The following MEF2D variants were observed in gnomAD, a reference collection of about 807,000 sequenced individuals.
MEF2D encodes the protein myocyte enhancer factor 2D.
A neutral mutation model predicts 59.3 loss-of-function variants in MEF2D; 10 were observed. That is an observed-to-expected ratio of 0.17 (90% confidence interval 0.10 to 0.29). The LOEUF (loss-of-function observed/expected upper bound fraction) is 0.29. MEF2D is among the 10% of genes least tolerant of loss of function. The probability of loss-of-function intolerance (pLI) is 1.00; values close to 1 mark genes in which losing one functional copy is unlikely to be tolerated. For missense variants in MEF2D, 508 were observed against 699.4 expected (o/e 0.73, Z 3.09); for synonymous variants, 305 against 295.0 (o/e 1.03, Z -0.35).
rs769737024 is a variant in MEF2D, at chr1:156,467,661, G to A, written c.1555-5C>T. 34 of 1,340,750 alleles carry A rather than the reference G, an allele frequency of 2.5e-5. No homozygotes were observed. The highest frequency in any genetic ancestry group is 3.1e-5 in the Non-Finnish European group (32 of 1,037,992). The allele number at this position is 1,340,750 out of a possible 1,614,324, so 83.1% of individuals were successfully genotyped here. A position where few individuals can be genotyped will look rare whatever the true frequency, so the allele number is the denominator to read the frequency against. ...TGGGAATCGTCACTTTAATGTCTGT[G>A]AAGAGAGGAGATGGAGAAGGGGGTG... On this transcript the variant is annotated splice_region_variant and splice_polypyrimidine_tract_variant and intron_variant, in intron 11 of 11. Coordinates refer to ENST00000348159, the MANE Select transcript of MEF2D (RefSeq NM_005920.4).
rs1038691548 is a variant in MEF2D at position 156,500,665 on chromosome 1, G to C, written c.-318C>G. The C allele has an allele frequency of 6.6e-6, 1 of 151,900 alleles. No individual in the cohort carries two copies. The highest frequency in any genetic ancestry group is 2.4e-5 in the African/African-American group (1 of 41,386). 9.4% of individuals were successfully genotyped at this position (151,900 alleles called of 1,614,324 possible). ...CCTGGGCCCCCGTCGTGGGCGCGGG[G>C]GCCAGCAGGCGGGCGGCAGGCAAGC... On this transcript the variant is annotated 5_prime_UTR_variant, in exon 1 of 12. Coordinates refer to ENST00000348159, the MANE Select transcript of MEF2D (RefSeq NM_005920.4).
intron 9 of MEF2D, among the ~76,000 whole-genome samples, chr1:156,473,848 A>C (rs1201084811): frequency 6.6e-6 from 1 of 152,088 alleles, no homozygotes; most frequent in Non-Finnish European, 1.5e-5. Flanking sequence ...ACCATGCCAA[A>C]ACTAGAGGAG....
chr1:156,475,421 A>AG (rs149026524), intron 8 of MEF2D, among the ~76,000 whole-genome samples, 184 bp from the exon 9 acceptor site: 2,310 of 152,314 alleles, frequency 0.015, 59 homozygotes, highest in African/African-American at 0.052. Context: ...AGATCCATGG[A>AG]GGGAAACATG....
chr1:156,495,679 G>T (rs1026250316), intron 1 of MEF2D, among the ~76,000 whole-genome samples: 1 of 140,856 alleles, frequency 7.1e-6, no homozygotes, highest in African/African-American at 2.6e-5. Flanking sequence ...AAATTAAAAA[G>T]TTGTGGTTTT....
chr1:156,477,164 G>A lies in MEF2D; in HGVS notation c.703C>T (p.Leu235Phe), dbSNP rs375322713. 67 of 1,612,652 alleles carry A rather than the reference G, an allele frequency of 4.2e-5. No homozygotes were observed. The highest frequency in any genetic ancestry group is 5.5e-5 in the Non-Finnish European group (65 of 1,179,174). ...YVSARASPGL[L>F]PVANGNSLNK... ...AGGCTGTTGCCATTGGCCACAGGGA[G>A]GAGGCCAGGGGAAGCCCGAGCACTG... Residue 235 changes from leucine to phenylalanine, a missense_variant, in exon 7 of 12, where the codon CTC becomes TTC. Transcript: ENST00000348159.
intron 1 of MEF2D, among the ~76,000 whole-genome samples, chr1:156,496,483 A>G (rs1360630314): frequency 6.6e-6 from 1 of 152,112 alleles, no homozygotes; most frequent in African/African-American, 2.4e-5. Context: ...AAGTCAGCCA[A>G]GGCTCCTTGA....
chr1:156,467,928 G>C, intron 11 of MEF2D, 65 bp downstream of exon 11: 2 of 1,537,648 alleles, frequency 1.3e-6, no homozygotes, highest in Non-Finnish European at 8.8e-7. Context: ...ACAGGTTAGG[G>C]GGCACGCGGG....
In MEF2D at chr1:156,480,939, G is replaced by A; in HGVS notation, c.291C>T (p.Asp97=). 1 of 1,612,148 alleles carries A rather than the reference G, an allele frequency of 6.2e-7. No individual in the cohort carries two copies. The highest frequency in any genetic ancestry group is 8.5e-7 in the Non-Finnish European group (1 of 1,179,932). The stretch of plus-strand genomic sequence containing the variant: ...AGTCCTCCCCGTCGGGCTCGGGGCT[G>A]TCGCAGCCGTTGAAGCCCTTCTTCC... ...TLRKKGFNGC[D]SPEPDGEDSL... Residue 97 remains aspartate, a synonymous_variant, in exon 4 of 12, where the codon GAC becomes GAT. Coordinates refer to ENST00000348159, the MANE Select transcript of MEF2D (RefSeq NM_005920.4).
intron 1 of MEF2D, among the ~76,000 whole-genome samples, chr1:156,495,398 GTCT>G (rs1311590338): frequency 6.6e-6 from 1 of 152,182 alleles, no homozygotes; most frequent in Non-Finnish European, 1.5e-5. Context: ...GAGAGAAACA[GTCT>G]TCTTATATTC....
intron 1 of MEF2D, among the ~76,000 whole-genome samples, chr1:156,494,496 G>A (rs1436277253): frequency 1.3e-5 from 2 of 152,084 alleles, no homozygotes; most frequent in Admixed American, 1.3e-4. Context: ...GGGGAGGGCT[G>A]GGCTCAGCTT....
intron 8 of MEF2D, 101 bp downstream of exon 8, chr1:156,476,393 A>G: frequency 2.2e-6 from 3 of 1,370,904 alleles, no homozygotes; most frequent in South Asian, 2.5e-5. Flanking sequence ...CAGTTCACGC[A>G]CAGGCGAGAG....
At position 156,479,211 on chromosome 1, in the gene MEF2D, G is replaced by A. The variant is rs539379582; in HGVS notation, c.664+79C>T. The A allele has an allele frequency of 2.2e-5, 28 of 1,245,034 alleles. No homozygotes were observed. In the East Asian group the frequency reaches 4.1e-4, roughly 18 times the overall value. The allele number at this position is 1,245,034 out of a possible 1,614,324, so 77.1% of individuals were successfully genotyped here. A position where few individuals can be genotyped will look rare whatever the true frequency, so the allele number is the denominator to read the frequency against. On this transcript the variant is annotated intron_variant, in intron 6 of 11. Transcript: ENST00000348159. ...ATCTTCCTCTCCTCTCATCTAGGTC[G>A]TTCCTGATCCTTGGACCCCCTGAGG...
rs747452485 is a variant in MEF2D at position 156,479,665 on chromosome 1, C to T, written c.528G>A (p.Pro176=). The T allele has an allele frequency of 1.2e-5, 19 of 1,551,854 alleles. No individual in the cohort carries two copies. The highest frequency in any genetic ancestry group is 4.9e-5 in the East Asian group (2 of 41,048). The part of the protein sequence containing the change: ...PSLVTSSLTD[P]RLLSPQQPAL... ...CTGGCTGCTGGGGGGACAGGAGCCG[C>T]GGGTCCGTGAGGGATGATGTCACCA... Residue 176 remains proline (P), a synonymous_variant, in exon 5 of 12, where the codon CCG becomes CCA. Coordinates refer to ENST00000348159, the MANE Select transcript of MEF2D (RefSeq NM_005920.4).
At chr1:156,493,293 G>C (rs1239705056) in intron 1 of MEF2D, among the ~76,000 whole-genome samples, 5 of 152,206 alleles carry the variant, frequency 3.3e-5, no homozygotes, top group Admixed American at 6.5e-5. Context: ...ACCCGAAAGA[G>C]GCCAATCCAA....
rs1458654063 is a variant in MEF2D at position 156,465,301 on chromosome 1, G to C, written c.*2344C>G. On this transcript the variant is annotated 3_prime_UTR_variant, in exon 12 of 12. Coordinates refer to ENST00000348159, the MANE Select transcript of MEF2D (RefSeq NM_005920.4). ...GAGGGTACTCCAGGAACTGTGTCAA[G>C]TGTGGGTGACTAAGTGGACATATGT... 6.6e-6 allele frequency: 1 copy of C among 152,462 alleles called. No individual in the cohort carries two copies. Among genetic ancestry groups the C allele is most frequent in the Non-Finnish European group, 1.5e-5 (1 of 68,168 alleles). 9.4% of individuals were successfully genotyped at this position (152,462 alleles called of 1,614,324 possible).
chr1:156,480,979 C>T lies in MEF2D; in HGVS notation c.259-8G>A. 6.2e-7 allele frequency: 1 copy of T among 1,611,626 alleles called. No individual in the cohort carries two copies. The highest frequency in any genetic ancestry group is 8.5e-7 in the Non-Finnish European group (1 of 1,179,868). ...GCCCTTCTTCCTCAGGGTCTGTAAC[C>T]GCACCACTGCCATCAGCTGGGTGAG... On this transcript the variant is annotated splice_region_variant and splice_polypyrimidine_tract_variant and intron_variant, in intron 3 of 11. Transcript: ENST00000348159.
chr1:156,485,008 T>C (rs1032696441), intron 1 of MEF2D, among the ~76,000 whole-genome samples: 2 of 152,100 alleles, frequency 1.3e-5, no homozygotes, highest in Non-Finnish European at 2.9e-5. Context: ...CCATGCTTTC[T>C]AAAGCCACTC....
intron 9 of MEF2D, among the ~76,000 whole-genome samples, chr1:156,472,386 G>T (rs900609003): frequency 6.6e-6 from 1 of 152,238 alleles, no homozygotes; most frequent in Non-Finnish European, 1.5e-5. Flanking sequence ...GCACACACAT[G>T]GGTGCACATG....
At chr1:156,491,953 T>C (rs1406222166) in intron 1 of MEF2D, among the ~76,000 whole-genome samples, 1 of 152,264 alleles carries the variant, frequency 6.6e-6, no homozygotes, top group African/African-American at 2.4e-5. Context: ...GAAAGCATTC[T>C]TGGATTTATA....
Sources: gnomAD v4.1 joint callset for allele counts (sites outside exome capture counted in the v4.1 genomes callset) on GRCh38, gnomAD v4.1.1 for gene constraint, MANE v1.5 for transcripts, NCBI Gene and HGNC (gene_info 2026-07-23, HGNC 2026-07-21) for gene names.